Variants in SORT1 observed in about 807,000 individuals in gnomAD.
SORT1 encodes the protein sortilin.
SORT1 carries 39 observed loss-of-function variants against 101.7 expected under a neutral mutation model. The ratio of observed to expected loss-of-function variants is 0.38; its 90% CI spans 0.30 to 0.50. SORT1 has a LOEUF of 0.50. Ranked by LOEUF, SORT1 falls within the 20% of genes least tolerant of loss-of-function variation. The pLI, the probability that SORT1 is intolerant of heterozygous loss-of-function variation, is 0.90. For synonymous variants in SORT1, 396 were observed against 393.7 expected, an observed-to-expected ratio of 1.01 and a Z score of -0.07; for missense variants, 878 against 1,040.4, an observed-to-expected ratio of 0.84 and a Z score of 2.15.
intron 9 of SORT1, 78 bp downstream of exon 9, chr1:109,341,936 A>G: frequency 7.2e-7 from 1 of 1,381,044 alleles, no homozygotes; most frequent in Non-Finnish European, 1.0e-6. Context: ...TAAGAGGAAA[A>G]CTCGACATGT....
intron 1 of SORT1, chr1:109,392,604 C>T (rs556332157): frequency 3.2e-5 from 32 of 985,244 alleles, no homozygotes; most frequent in East Asian, 2.3e-4. Context: ...ATTGTTAACA[C>T]TGCATTCCCT....
intron 15 of SORT1, among the ~76,000 whole-genome samples, chr1:109,321,556 G>C (rs1435678419): frequency 6.6e-6 from 1 of 152,184 alleles, no homozygotes; most frequent in East Asian, 1.9e-4. Context: ...TACTGAAACA[G>C]AGAAGGGAGG....
chr1:109,343,642 A>C (rs528659268), intron 8 of SORT1, among the ~76,000 whole-genome samples: 10 of 152,230 alleles, frequency 6.6e-5, no homozygotes, highest in Admixed American at 2.6e-4. Context: ...CATATGCAGA[A>C]CTGAATTCTT....
intron 1 of SORT1, among the ~76,000 whole-genome samples, chr1:109,376,385 T>C (rs1651857609): frequency 6.8e-6 from 1 of 146,804 alleles, no homozygotes; most frequent in South Asian, 2.2e-4. Context: ...GACCCAGCAA[T>C]CCTGTTACTG....
intron 3 of SORT1, among the ~76,000 whole-genome samples, chr1:109,357,361 G>C (rs1426778214): frequency 6.6e-6 from 1 of 152,216 alleles, no homozygotes; most frequent in South Asian, 2.1e-4. Flanking sequence ...TACAGGTTTT[G>C]GTAGCGGCCT....
chr1:109,380,153 T>C (rs1652125419), intron 1 of SORT1, among the ~76,000 whole-genome samples: 1 of 151,720 alleles, frequency 6.6e-6, no homozygotes, highest in Non-Finnish European at 1.5e-5. Flanking sequence ...CCAGGTGTGG[T>C]GGCATAGCAT....
chr1:109,314,128 T>C lies in SORT1; in HGVS notation c.2482-71A>G, dbSNP rs1570876622. Reference sequence around the variant, plus strand: ...ATTTCAAAAGCAATCACCTAGTTTCTGGGCTTGCCAAATCTTATGGTCATT... The same window carrying C: ...ATTTCAAAAGCAATCACCTAGTTTCCGGGCTTGCCAAATCTTATGGTCATT... On this transcript the variant is annotated intron_variant, in intron 19 of 19. Coordinates refer to ENST00000256637, the MANE Select transcript of SORT1 (RefSeq NM_002959.7). 6 of 1,608,264 alleles carry C rather than the reference T, an allele frequency of 3.7e-6. No homozygotes were observed. The African/African-American group carries it at 4.0e-5, about 11-fold the overall frequency.
chr1:109,332,584 A>G (rs917941544), intron 11 of SORT1, among the ~76,000 whole-genome samples: 1 of 152,168 alleles, frequency 6.6e-6, no homozygotes, highest in African/African-American at 2.4e-5. Context: ...AAAAAATTCC[A>G]ATGGTATTTT....
At chr1:109,343,742 C>T (rs1649388372) in intron 8 of SORT1, among the ~76,000 whole-genome samples, 1 of 152,088 alleles carries the variant, frequency 6.6e-6, no homozygotes, top group South Asian at 2.1e-4. Flanking sequence ...TCCGTCTCCA[C>T]AGTCCAGTTG....
chr1:109,358,593 T>C (rs1963870), intron 3 of SORT1, among the ~76,000 whole-genome samples: 106,149 of 152,116 alleles, frequency 0.7, 37,604 homozygotes, highest in East Asian at 0.96. Flanking sequence ...TGGTGGCTCA[T>C]GCCTGTAATC....
intron 11 of SORT1, among the ~76,000 whole-genome samples, chr1:109,332,530 A>T (rs182257982): frequency 6.6e-6 from 1 of 152,256 alleles, no homozygotes; most frequent in Non-Finnish European, 1.5e-5. Flanking sequence ...TGATTATTCC[A>T]CTGGACCCCA....
rs1166806821 is a variant in SORT1, at chr1:109,312,621, G to C, written c.*1422C>G. Reference sequence around the variant, plus strand: ...AGTCATAATCATTGGGAGAAACTGTGACCCGCACAGTAGCTACATTAAGAC... The same window carrying C: ...AGTCATAATCATTGGGAGAAACTGTCACCCGCACAGTAGCTACATTAAGAC... On this transcript the variant is annotated 3_prime_UTR_variant, in exon 20 of 20. Coordinates refer to ENST00000256637, the MANE Select transcript of SORT1 (RefSeq NM_002959.7). 2 of 152,336 alleles carry C rather than the reference G, an allele frequency of 1.3e-5. No homozygotes were observed. Among genetic ancestry groups the C allele is most frequent in the Non-Finnish European group, 2.9e-5 (2 of 68,006 alleles). The allele number at this position is 152,336 out of a possible 1,614,324, so 9.4% of individuals were successfully genotyped here. A position where few individuals can be genotyped will look rare whatever the true frequency, so the allele number is the denominator to read the frequency against.
intron 17 of SORT1, among the ~76,000 whole-genome samples, chr1:109,315,348 G>A (rs1184120624): frequency 1.3e-5 from 2 of 152,126 alleles, no homozygotes; most frequent in African/African-American, 4.8e-5. Flanking sequence ...GTATCCCAGA[G>A]GAGGCAGAGC....
Position 109,312,287 on chromosome 1 carries a change from G to A in SORT1, c.*1756C>T, listed in dbSNP as rs1398122093. On this transcript the variant is annotated 3_prime_UTR_variant, in exon 20 of 20. Coordinates refer to ENST00000256637, the MANE Select transcript of SORT1 (RefSeq NM_002959.7). ...ACCATGCAAAATGAATAAGCAAAAA[G>A]ACTAGTGCACTCCAGCCCTAACCAT... The A allele has an allele frequency of 6.6e-6, 1 of 152,490 alleles. No homozygotes were observed. Among genetic ancestry groups the A allele is most frequent in the Non-Finnish European group, 1.5e-5 (1 of 68,020 alleles). The allele number at this position is 152,490 out of a possible 1,614,324, so 9.4% of individuals were successfully genotyped here.
rs1400182844 is a variant in SORT1 at position 109,309,650 on chromosome 1, T to TA, written c.*4392dup. 1 of 152,212 alleles carries TA rather than the reference T, an allele frequency of 6.6e-6. No individual in the cohort carries two copies. The highest frequency in any genetic ancestry group is 1.5e-5 in the Non-Finnish European group (1 of 68,038). The allele number at this position is 152,212 out of a possible 1,614,324, so 9.4% of individuals were successfully genotyped here. ...ATACAGAAAATTACCAGTACAAAGT[T>TA]AAACACATTCAGATTTATTTACACA... On this transcript the variant is annotated 3_prime_UTR_variant, in exon 20 of 20. Transcript: ENST00000256637.
chr1:109,335,114 G>A (rs976199735), intron 11 of SORT1, among the ~76,000 whole-genome samples: 2 of 152,156 alleles, frequency 1.3e-5, no homozygotes, highest in Non-Finnish European at 2.9e-5. Flanking sequence ...TGGGTGTTCA[G>A]GGAATGGCAG....
chr1:109,371,886 A>G (rs1437013360), intron 1 of SORT1, among the ~76,000 whole-genome samples: 4 of 151,986 alleles, frequency 2.6e-5, no homozygotes, highest in Non-Finnish European at 4.4e-5. Context: ...TCACTGAAAA[A>G]CTCATCTACC....
At chr1:109,354,801 T>C (rs1242038652) in intron 4 of SORT1, among the ~76,000 whole-genome samples, 1 of 152,202 alleles carries the variant, frequency 6.6e-6, no homozygotes, top group Admixed American at 6.5e-5. Context: ...TAAAATGTTG[T>C]CATAGGTTAT....
chr1:109,390,272 C>T (rs573547170), intron 1 of SORT1, among the ~76,000 whole-genome samples: 13 of 152,300 alleles, frequency 8.5e-5, no homozygotes, highest in Middle Eastern at 6.8e-3. Context: ...CTTAAGATAG[C>T]CCCAGTGCTT....
Sources: allele counts gnomAD v4.1 joint callset (sites outside exome capture counted in the v4.1 genomes callset), GRCh38; gene constraint gnomAD v4.1.1; transcripts MANE v1.5; gene names NCBI Gene and HGNC (gene_info 2026-07-23, HGNC 2026-07-21).